Variants in DNAH11 observed in about 807,000 individuals in gnomAD.
The protein encoded by DNAH11 is axonemal beta dynein heavy chain 11.
A neutral mutation model predicts 526.0 loss-of-function variants in DNAH11; 442 were observed. That is an observed-to-expected ratio of 0.84 (90% CI 0.78 to 0.91). DNAH11 has a LOEUF of 0.91. Among genes scored for constraint, DNAH11 ranks in the 40% least tolerant of loss-of-function variants. The probability of loss-of-function intolerance (pLI) is 0.00; values close to 1 mark genes in which losing one functional copy is unlikely to be tolerated. For synonymous variants in DNAH11, 2,461 were observed against 1,935.9 expected (o/e 1.27, Z -7.12); for missense variants, 6,989 against 5,448.7 (o/e 1.28, Z -8.90).
At chr7:21,796,443 A>G (rs1261275157) in intron 61 of DNAH11, among the ~76,000 whole-genome samples, 1 of 152,212 alleles carries the variant, frequency 6.6e-6, no homozygotes, top group African/African-American at 2.4e-5. Flanking sequence ...ATGAACATGG[A>G]TGAGGGAAGC....
At chr7:21,765,710 A>G in intron 55 of DNAH11, 121 bp downstream of exon 55, 1 of 1,267,536 alleles carries the variant, frequency 7.9e-7, no homozygotes, top group African/African-American at 1.5e-5. Flanking sequence ...CTCCTATCAG[A>G]AAGCTATCCT....
At chr7:21,858,100 T>C (rs1022119129) in intron 68 of DNAH11, among the ~76,000 whole-genome samples, 13 of 152,064 alleles carry the variant, frequency 8.5e-5, no homozygotes, top group African/African-American at 2.9e-4. Flanking sequence ...AGACATGTAA[T>C]AACACATGTG....
chr7:21,799,607 A>G (rs1193702442), intron 61 of DNAH11, among the ~76,000 whole-genome samples: 3 of 152,186 alleles, frequency 2.0e-5, no homozygotes, highest in Admixed American at 6.5e-5. Flanking sequence ...AAGTGCTGGG[A>G]TTACAGGCAT....
At chr7:21,662,765 C>T (rs1782286556) in intron 30 of DNAH11, among the ~76,000 whole-genome samples, 1 of 152,052 alleles carries the variant, frequency 6.6e-6, no homozygotes, top group African/African-American at 2.4e-5. Context: ...ACCTTCTACC[C>T]CTCAGCCTGT....
chr7:21,571,356 C>T (rs1310409799), intron 7 of DNAH11, among the ~76,000 whole-genome samples: 1 of 152,172 alleles, frequency 6.6e-6, no homozygotes, highest in African/African-American at 2.4e-5. Flanking sequence ...ACACAGCTCA[C>T]TGCAGCCTTG....
chr7:21,645,001 T>C (rs1220341202), intron 28 of DNAH11, among the ~76,000 whole-genome samples: 2 of 152,270 alleles, frequency 1.3e-5, no homozygotes, highest in African/African-American at 4.8e-5. Context: ...TTTGCATATG[T>C]GTTGCCACTG....
chr7:21,552,152 A>T (rs1015821745), intron 2 of DNAH11, among the ~76,000 whole-genome samples: 1 of 152,138 alleles, frequency 6.6e-6, no homozygotes, highest in Admixed American at 6.5e-5. Context: ...GCCCTGGTCC[A>T]TTGTCACATA....
At chr7:21,742,272 A>T in intron 49 of DNAH11, 106 bp downstream of exon 49, 2 of 1,301,618 alleles carry the variant, frequency 1.5e-6, no homozygotes, top group African/African-American at 1.5e-5. Flanking sequence ...GAGGCTAGGT[A>T]ATTTATAAAG....
chr7:21,856,977 G>A (rs541412081), intron 68 of DNAH11, among the ~76,000 whole-genome samples: 14 of 152,292 alleles, frequency 9.2e-5, no homozygotes, highest in Admixed American at 9.2e-4. Flanking sequence ...GGAAGTTATA[G>A]TCGGTACAGT....
At chr7:21,544,740 T>A (rs1195585468) in intron 1 of DNAH11, among the ~76,000 whole-genome samples, 1 of 152,118 alleles carries the variant, frequency 6.6e-6, no homozygotes, top group Non-Finnish European at 1.5e-5. Flanking sequence ...TTTTTTTTGG[T>A]GTATAATGAA....
At chr7:21,595,428 G>C (rs1282197677) in intron 14 of DNAH11, among the ~76,000 whole-genome samples, 1 of 152,222 alleles carries the variant, frequency 6.6e-6, no homozygotes, top group Non-Finnish European at 1.5e-5. Flanking sequence ...AGCAGTGAAA[G>C]TGATTAGAAG....
chr7:21,834,364 A>G (rs1299933368), intron 65 of DNAH11, among the ~76,000 whole-genome samples: 2 of 152,224 alleles, frequency 1.3e-5, no homozygotes, highest in Admixed American at 1.3e-4. Context: ...CTAAGAGGGA[A>G]TAAATTCCTA....
intron 28 of DNAH11, among the ~76,000 whole-genome samples, chr7:21,654,013 C>A (rs1001123804): frequency 6.6e-6 from 1 of 152,122 alleles, no homozygotes; most frequent in African/African-American, 2.4e-5. Context: ...ACAGCAGTGG[C>A]GCCTGTATGC....
chr7:21,743,046 G>A (rs1785983545), intron 49 of DNAH11, among the ~76,000 whole-genome samples: 1 of 152,152 alleles, frequency 6.6e-6, no homozygotes, highest in Non-Finnish European at 1.5e-5. Context: ...ATTAGATCAC[G>A]TTGCCCTCAT....
At chr7:21,672,669 GC>G (rs1484579293) in intron 30 of DNAH11, among the ~76,000 whole-genome samples, 2 of 152,222 alleles carry the variant, frequency 1.3e-5, no homozygotes, top group African/African-American at 4.8e-5. Context: ...TGGGAGATAT[GC>G]CATGGCTGAT....
At chr7:21,617,062 G>C (rs929464684) in intron 22 of DNAH11, among the ~76,000 whole-genome samples, 1 of 152,026 alleles carries the variant, frequency 6.6e-6, no homozygotes, top group African/African-American at 2.4e-5. Context: ...CCTTTATTTC[G>C]TGCTAAGTTC....
chr7:21,706,858 G>A (rs560858414), intron 39 of DNAH11, among the ~76,000 whole-genome samples: 53 of 152,264 alleles, frequency 3.5e-4, no homozygotes, highest in African/African-American at 1.3e-3. Context: ...GCTTTTCAAA[G>A]GAGCAAAAGG....
intron 37 of DNAH11, 139 bp from the exon 38 acceptor site, chr7:21,704,295 A>G (rs915896117): frequency 1.2e-6 from 1 of 821,392 alleles, no homozygotes; most frequent in Non-Finnish European, 1.8e-6. Context: ...CTCCCTATTG[A>G]TAGAATGCCA....
chr7:21,798,568 T>C (rs1418960032), intron 61 of DNAH11, among the ~76,000 whole-genome samples: 1 of 152,234 alleles, frequency 6.6e-6, no homozygotes, highest in African/African-American at 2.4e-5. Flanking sequence ...TCAGAAGGTT[T>C]GGGTTCATAG....
Sources: gnomAD v4.1 joint callset for allele counts (sites outside exome capture counted in the v4.1 genomes callset) on GRCh38, gnomAD v4.1.1 for gene constraint, MANE v1.5 for transcripts, NCBI Gene and HGNC (gene_info 2026-07-23, HGNC 2026-07-21) for gene names.